HTR1F: variants seen among roughly 807,000 people sequenced by gnomAD.
HTR1F encodes 5-hydroxytryptamine receptor 1F.
In HTR1F, 17 loss-of-function variants were observed where a neutral mutation model predicts 24.0. The observed-to-expected ratio is 0.71, with a 90% CI of 0.48 to 1.06. HTR1F has a LOEUF of 1.06. Ranked by LOEUF, HTR1F falls within the 50% of genes least tolerant of loss-of-function variation. HTR1F has a pLI of 0.00. For missense variants in HTR1F, 391 were observed against 427.8 expected, an observed-to-expected ratio of 0.91 and a Z score of 0.76; for synonymous variants, 186 against 156.8, an observed-to-expected ratio of 1.19 and a Z score of -1.39.
intron 2 of HTR1F, among the ~76,000 whole-genome samples, chr3:87,956,567 TA>T (rs1559648178): frequency 6.6e-6 from 1 of 151,388 alleles, no homozygotes; most frequent in Non-Finnish European, 1.5e-5. Flanking sequence ...ATGTGGAATC[TA>T]TAGATAAATT....
At chr3:87,960,142 T>C (rs1176272211) in intron 2 of HTR1F, among the ~76,000 whole-genome samples, 1 of 150,676 alleles carries the variant, frequency 6.6e-6, no homozygotes, top group Non-Finnish European at 1.5e-5. Flanking sequence ...TAAATTGGAA[T>C]TTGTGGGGCT....
chr3:87,897,387 CA>C (rs955436291), intron 2 of HTR1F, among the ~76,000 whole-genome samples: 1 of 150,476 alleles, frequency 6.6e-6, no homozygotes, highest in African/African-American at 2.4e-5. Context: ...ATGTGAAATC[CA>C]AAAAAAAGGT....
At chr3:87,975,708 C>G (rs1264005047) in intron 2 of HTR1F, among the ~76,000 whole-genome samples, 1 of 152,182 alleles carries the variant, frequency 6.6e-6, no homozygotes, top group African/African-American at 2.4e-5. Flanking sequence ...ACTAAACATA[C>G]TAAACAAGTC....
chr3:87,801,004 T>C (rs181835467), intron 1 of HTR1F, among the ~76,000 whole-genome samples: 32 of 152,358 alleles, frequency 2.1e-4, no homozygotes, highest in African/African-American at 7.5e-4. Context: ...AGTGTTAAGC[T>C]GCCTTTATTT....
At chr3:87,942,360 C>T (rs961745504) in intron 2 of HTR1F, among the ~76,000 whole-genome samples, 3 of 152,146 alleles carry the variant, frequency 2.0e-5, no homozygotes, top group African/African-American at 7.2e-5. Context: ...GAGAGTAAGA[C>T]TGAGAAGGCC....
At chr3:87,843,267 A>G (rs1704848547) in intron 2 of HTR1F, among the ~76,000 whole-genome samples, 1 of 151,924 alleles carries the variant, frequency 6.6e-6, no homozygotes, top group Non-Finnish European at 1.5e-5. Context: ...TTTTAACTGT[A>G]TTTTAGCAAA....
At chr3:87,806,659 T>C (rs1322106953) in intron 1 of HTR1F, among the ~76,000 whole-genome samples, 1 of 152,022 alleles carries the variant, frequency 6.6e-6, no homozygotes, top group African/African-American at 2.4e-5. Context: ...TTTAGTTTAA[T>C]ATAGTCCAAT....
chr3:87,823,518 T>C (rs963698391), intron 2 of HTR1F, among the ~76,000 whole-genome samples: 3 of 97,208 alleles, frequency 3.1e-5, no homozygotes, highest in African/African-American at 1.0e-4. Context: ...GGTCCCATAT[T>C]TTTTTTTTTT....
chr3:87,890,328 A>T (rs1706048442), intron 2 of HTR1F, among the ~76,000 whole-genome samples: 1 of 152,234 alleles, frequency 6.6e-6, no homozygotes, highest in African/African-American at 2.4e-5. Context: ...AATCACTTGC[A>T]ACTTTTGCAG....
chr3:87,937,879 G>C (rs372628223), intron 2 of HTR1F, among the ~76,000 whole-genome samples: 1 of 150,594 alleles, frequency 6.6e-6, no homozygotes, highest in African/African-American at 2.4e-5. Flanking sequence ...AGCCGAGATC[G>C]TGCCACTGCA....
chr3:87,918,682 C>T (rs1362570704), intron 2 of HTR1F, among the ~76,000 whole-genome samples: 1 of 151,884 alleles, frequency 6.6e-6, no homozygotes, highest in Non-Finnish European at 1.5e-5. Flanking sequence ...CTAAAAACCT[C>T]TAAAGGAAAA....
At chr3:87,831,081 T>C (rs751781979) in intron 2 of HTR1F, among the ~76,000 whole-genome samples, 1 of 152,052 alleles carries the variant, frequency 6.6e-6, no homozygotes, top group Non-Finnish European at 1.5e-5. Flanking sequence ...AATCAATCTA[T>C]GGATGTGGTA....
At chr3:87,825,529 C>T (rs1704445089) in intron 2 of HTR1F, among the ~76,000 whole-genome samples, 1 of 152,142 alleles carries the variant, frequency 6.6e-6, no homozygotes, top group Non-Finnish European at 1.5e-5. Flanking sequence ...AGAGTCATTC[C>T]TTAATGCCTG....
intron 2 of HTR1F, among the ~76,000 whole-genome samples, chr3:87,940,463 G>A (rs368658124): frequency 1.4e-4 from 21 of 152,246 alleles, no homozygotes; most frequent in African/African-American, 3.9e-4. Context: ...GGACCTCTTC[G>A]AAGAGAACCA....
At chr3:87,945,953 T>A (rs1462328579) in intron 2 of HTR1F, among the ~76,000 whole-genome samples, 1 of 152,098 alleles carries the variant, frequency 6.6e-6, no homozygotes, top group African/African-American at 2.4e-5. Flanking sequence ...AGCCTCGGGT[T>A]CTCTGATTTT....
At chr3:87,888,426 C>T (rs1706006927) in intron 2 of HTR1F, among the ~76,000 whole-genome samples, 1 of 151,680 alleles carries the variant, frequency 6.6e-6, no homozygotes, top group Non-Finnish European at 1.5e-5. Flanking sequence ...AAATACCAAA[C>T]CTGCACATTG....
Position 87,806,286 on chromosome 3 carries a change from G to A in HTR1F, c.-160+13444G>A, listed in dbSNP as rs148755513. Among the ~76,000 whole-genome samples the A allele has an allele frequency of 3.3e-3, 495 of 151,994 alleles. 4 individuals are homozygous for A. The highest frequency in any genetic ancestry group is 7.4e-3 in the African/African-American group (308 of 41,522). ...TATCTGGTAGTAGAGTTGCTGGATT[G>A]TATTTTTAGTTTTTTGGGAAATCTC... On this transcript the variant is annotated intron_variant, in intron 1 of 2. Transcript: ENST00000319595.
chr3:87,877,613 T>C (rs1034786544), intron 2 of HTR1F, among the ~76,000 whole-genome samples: 1 of 152,182 alleles, frequency 6.6e-6, no homozygotes, highest in Non-Finnish European at 1.5e-5. Context: ...TTATTCCCAT[T>C]ACCAGTAAAG....
intron 2 of HTR1F, among the ~76,000 whole-genome samples, chr3:87,939,048 G>T (rs1704497728): frequency 6.6e-6 from 1 of 152,154 alleles, no homozygotes; most frequent in Non-Finnish European, 1.5e-5. Context: ...CTAATATCCA[G>T]CATCCATAAG....
Sources: gnomAD v4.1 joint callset for allele counts (sites outside exome capture counted in the v4.1 genomes callset) on GRCh38, gnomAD v4.1.1 for gene constraint, MANE v1.5 for transcripts, NCBI Gene and HGNC (gene_info 2026-07-23, HGNC 2026-07-21) for gene names.